The following KAZN variants were observed in gnomAD, a reference collection of about 807,000 sequenced individuals.
KAZN encodes the protein kazrin, periplakin interacting protein, also known as kazrin.
Under a neutral mutation model 87.4 loss-of-function variants are expected in KAZN, and 40 were observed. The observed-to-expected ratio is 0.46, with a 90% CI of 0.36 to 0.60. The LOEUF (loss-of-function observed/expected upper bound fraction) is 0.60, where lower values mean the gene tolerates loss of function less well. Ranked by LOEUF, KAZN falls within the 20% of genes least tolerant of loss-of-function variation. The pLI, the probability that KAZN is intolerant of heterozygous loss-of-function variation, is 0.00. For synonymous variants in KAZN, 466 were observed against 458.3 expected, an observed-to-expected ratio of 1.02 and a Z score of -0.22; for missense variants, 898 against 1,073.9, an observed-to-expected ratio of 0.84 and a Z score of 2.29.
chr1:14,122,342 C>T (rs571217188), intron 1 of KAZN, among the ~76,000 whole-genome samples: 1 of 152,292 alleles, frequency 6.6e-6, no homozygotes, highest in African/African-American at 2.4e-5. Context: ...AACTTCACTC[C>T]TGTGGCCAAG....
intron 1 of KAZN, among the ~76,000 whole-genome samples, chr1:13,985,107 G>A (rs995113458): frequency 1.3e-5 from 2 of 151,934 alleles, no homozygotes; most frequent in Non-Finnish European, 2.9e-5. Context: ...TATCTCTGTC[G>A]ATCTCAATGT....
chr1:13,998,732 C>A lies in KAZN; in HGVS notation c.91+104976C>A, dbSNP rs910484357. On this transcript the variant is annotated intron_variant, in intron 1 of 16. Transcript: ENST00000636203. ...ATTCATAAAACAAGTTCTTAGGAAC[C>A]CAAAAAAGACTTAGGCTCCCACACA... is the stretch of plus-strand genomic sequence containing the variant. Among the ~76,000 whole-genome samples, 9 of 152,046 alleles carry A rather than the reference C, an allele frequency of 5.9e-5. No homozygotes were observed. The East Asian group carries it at 1.7e-3, about 29-fold the overall frequency.
rs558914990 is a variant in KAZN, at chr1:14,288,089, T to C, written c.249+107497T>C. On this transcript the variant is annotated intron_variant, in intron 2 of 16. Coordinates refer to the KAZN transcript ENST00000636203. ...TGCTGGATTCAGTTTGCCAGTGTTT[T>C]ATTGAGGATTTTCACATCGATGTTC... Among the ~76,000 whole-genome samples the C allele has an allele frequency of 2.0e-5, 3 of 152,332 alleles. No individual in the cohort carries two copies. In the East Asian group the frequency reaches 5.8e-4, roughly 29 times the overall value.
chr1:14,184,572 A>G lies in KAZN; in HGVS notation c.249+3980A>G, dbSNP rs1461451651. Among the ~76,000 whole-genome samples, 2 of 152,154 alleles carry G rather than the reference A, an allele frequency of 1.3e-5. No individual in the cohort carries two copies. Among genetic ancestry groups the G allele is most frequent in the African/African-American group, 4.8e-5 (2 of 41,456 alleles). On this transcript the variant is annotated intron_variant, in intron 2 of 16. Transcript: ENST00000636203. The surrounding 1 kb of genome is among the most constrained non-coding windows in gnomAD (Gnocchi z 4.2). The stretch of plus-strand genomic sequence containing the variant: ...GAGGCAGATCGGGAGCCCTGCCAGG[A>G]TCAGACACTGCATAGGATTTGGGTG...
chr1:14,734,054 C>T (rs79181652), intron 1 of KAZN, among the ~76,000 whole-genome samples: 1 of 152,158 alleles, frequency 6.6e-6, no homozygotes, highest in Admixed American at 6.5e-5. Flanking sequence ...TCCCTCCTGC[C>T]GGGTGAGCAG....
chr1:15,040,297 G>C (rs949348435), intron 3 of KAZN, among the ~76,000 whole-genome samples: 12 of 152,192 alleles, frequency 7.9e-5, no homozygotes, highest in Admixed American at 7.9e-4. Context: ...AGGTTCCCTC[G>C]CCCACGCAAC....
chr1:14,603,927 A>G (rs1677163178), intron 1 of KAZN, among the ~76,000 whole-genome samples: 1 of 152,186 alleles, frequency 6.6e-6, no homozygotes, highest in South Asian at 2.1e-4. Context: ...ATTTGGCCAC[A>G]TTCACTGCAT....
In KAZN at chr1:15,034,898, C is replaced by T; in HGVS notation, c.555+13C>T. On this transcript the variant is annotated intron_variant, in intron 3 of 14. Coordinates refer to ENST00000376030, the MANE Select transcript of KAZN (RefSeq NM_201628.3). Reference sequence around the variant, plus strand: ...GCAGCACCGCAAGGTCAGCCGCCGCCCTGCCCTCCCCTCCCCTCCCGACAC... The same window carrying T: ...GCAGCACCGCAAGGTCAGCCGCCGCTCTGCCCTCCCCTCCCCTCCCGACAC... The T allele has an allele frequency of 6.2e-7, 1 of 1,612,830 alleles. No homozygotes were observed. Among genetic ancestry groups the T allele is most frequent in the African/African-American group, 1.3e-5 (1 of 74,936 alleles).
rs12404646 is a variant in KAZN, at chr1:14,739,562, C to T, written c.226+140339C>T. ...GCCGGGTGGGGAAATTCTAAGGAAC[C>T]ATTCTCAGGCTAGGCTGATGAAGGG... On this transcript the variant is annotated intron_variant, in intron 1 of 14. Transcript: ENST00000376030. Among the ~76,000 whole-genome samples the T allele has an allele frequency of 4.9e-4, 74 of 152,212 alleles. 1 individual carries two copies. Among genetic ancestry groups the T allele is most frequent in the Admixed American group, 3.8e-3 (58 of 15,296 alleles).
At chr1:14,052,498 A>T (rs1367996118) in intron 1 of KAZN, among the ~76,000 whole-genome samples, 1 of 152,072 alleles carries the variant, frequency 6.6e-6, no homozygotes, top group Non-Finnish European at 1.5e-5. Context: ...TGTGATGCTG[A>T]AAAGTTATTT....
intron 2 of KAZN, among the ~76,000 whole-genome samples, chr1:15,018,341 A>G (rs1670330933): frequency 6.6e-6 from 1 of 152,134 alleles, no homozygotes; most frequent in Non-Finnish European, 1.5e-5. Context: ...CAGTCTTGCC[A>G]TAAAACTCTC....
intron 2 of KAZN, among the ~76,000 whole-genome samples, chr1:14,470,947 T>A (rs1254030401): frequency 6.6e-6 from 1 of 152,216 alleles, no homozygotes; most frequent in African/African-American, 2.4e-5. Flanking sequence ...GTGAGGACAC[T>A]CAAGCAGCTT....
At chr1:14,805,422 C>T (rs1425992270) in intron 1 of KAZN, among the ~76,000 whole-genome samples, 1 of 152,108 alleles carries the variant, frequency 6.6e-6, no homozygotes, top group Non-Finnish European at 1.5e-5. Flanking sequence ...TTGGCCAGAA[C>T]GTGGCTGCAC....
At chr1:14,194,267 G>A (rs1570983808) in intron 2 of KAZN, among the ~76,000 whole-genome samples, 4 of 152,252 alleles carry the variant, frequency 2.6e-5, no homozygotes, top group East Asian at 3.9e-4. Context: ...TGTAGCTTGT[G>A]GACAGAGTCA....
chr1:14,598,976 C>T lies in KAZN; in HGVS notation c.-22C>T. 6.4e-7 allele frequency: 1 copy of T among 1,566,798 alleles called. No individual in the cohort carries two copies. Among genetic ancestry groups the T allele is most frequent in the Non-Finnish European group, 8.6e-7 (1 of 1,160,120 alleles). On this transcript the variant is annotated 5_prime_UTR_variant, in exon 1 of 15. Coordinates refer to ENST00000376030, the MANE Select transcript of KAZN (RefSeq NM_201628.3). This position sits in a 1 kb window ranked among gnomAD's most constrained non-coding sequence, Gnocchi z 4.2. ...ATGCAGCTCTTTGTCACCTCTCTCG[C>T]CCCCAGGCCAAAATCCTGAGCATGA...
intron 2 of KAZN, among the ~76,000 whole-genome samples, chr1:14,551,110 C>T (rs986240611): frequency 1.3e-5 from 2 of 152,102 alleles, no homozygotes; most frequent in Admixed American, 6.5e-5. Flanking sequence ...ACTACAAATA[C>T]GCAAACGTGA....
chr1:13,909,651 A>T (rs1363695735), intron 1 of KAZN, among the ~76,000 whole-genome samples: 1 of 151,606 alleles, frequency 6.6e-6, no homozygotes, highest in Non-Finnish European at 1.5e-5. Context: ...CTTATTTAGG[A>T]TAAAATAAAA....
At chr1:15,019,500 T>C (rs72869607) in intron 2 of KAZN, among the ~76,000 whole-genome samples, 5,585 of 152,314 alleles carry the variant, frequency 0.037, 283 homozygotes, top group East Asian at 0.11. Flanking sequence ...GCAATTCTTG[T>C]GCCTCGGCCT....
chr1:14,834,001 ACAC>A (rs1335175762), intron 1 of KAZN, among the ~76,000 whole-genome samples: 11 of 141,928 alleles, frequency 7.8e-5, no homozygotes, highest in African/African-American at 2.2e-4. Flanking sequence ...ACACACACAC[ACAC>A]ACACATACAC....
Sources: allele counts gnomAD v4.1 joint callset (sites outside exome capture counted in the v4.1 genomes callset), GRCh38; gene constraint gnomAD v4.1.1; non-coding constraint Gnocchi (gnomAD v3.1); transcripts MANE v1.5; gene names NCBI Gene and HGNC (gene_info 2026-07-23, HGNC 2026-07-21).